UBE2E2: variants seen among roughly 807,000 people sequenced by gnomAD.
UBE2E2 encodes the protein ubiquitin conjugating enzyme E2 E2, also known as ubiquitin-conjugating enzyme E2 E2.
In UBE2E2, 6 loss-of-function variants were observed where a neutral mutation model predicts 24.7. The ratio of observed to expected loss-of-function variants is 0.24; its 90% confidence interval spans 0.13 to 0.48. UBE2E2 has a LOEUF of 0.48. Ranked by LOEUF, UBE2E2 falls within the 20% of genes least tolerant of loss-of-function variation. The pLI is 0.99. For synonymous variants in UBE2E2, 104 were observed against 83.6 expected, an observed-to-expected ratio of 1.24 and a Z score of -1.33; for missense variants, 169 against 245.0, an observed-to-expected ratio of 0.69 and a Z score of 2.07.
intron 3 of UBE2E2, among the ~76,000 whole-genome samples, chr3:23,473,009 C>A (rs181186391): frequency 1.3e-5 from 2 of 152,036 alleles, no homozygotes; most frequent in Admixed American, 6.5e-5. Flanking sequence ...AATCTATTTT[C>A]TTTGTGATAC....
chr3:23,403,417 C>T lies in UBE2E2; in HGVS notation c.228-96191C>T, dbSNP rs541428022. ...CGATACAACACTCTATTGGAAAGTT[C>T]TTTGTTGGTTCTGAATATACATACT... On this transcript the variant is annotated intron_variant, in intron 3 of 5. Coordinates refer to ENST00000396703, the MANE Select transcript of UBE2E2 (RefSeq NM_152653.4). 4.6e-5 allele frequency among the ~76,000 whole-genome samples: 7 copies of T among 152,252 alleles called. No individual in the cohort carries two copies. The South Asian group carries it at 1.4e-3, about 32-fold the overall frequency.
chr3:23,548,562 G>T (rs923767622), intron 5 of UBE2E2, among the ~76,000 whole-genome samples: 1 of 152,030 alleles, frequency 6.6e-6, no homozygotes, highest in Non-Finnish European at 1.5e-5. Flanking sequence ...AGAACTTTGC[G>T]GTGTATTCTT....
At chr3:23,563,599 A>G (rs553448233) in intron 5 of UBE2E2, among the ~76,000 whole-genome samples, 1 of 152,170 alleles carries the variant, frequency 6.6e-6, no homozygotes, top group South Asian at 2.1e-4. Context: ...TAGTGTGCTC[A>G]GCAAGTCATG....
In UBE2E2 at chr3:23,357,494, T is replaced by C. The variant is rs1695990914; in HGVS notation, c.227+140182T>C. ...TGATTCTTTTTCAGTTCTTAATATC[T>C]AGCATAACAGGCAGGTTTAGCATTT... On this transcript the variant is annotated intron_variant, in intron 3 of 5. Coordinates refer to ENST00000396703, the MANE Select transcript of UBE2E2 (RefSeq NM_152653.4). 2.0e-5 allele frequency among the ~76,000 whole-genome samples: 3 copies of C among 152,136 alleles called. No homozygotes were observed. The South Asian group carries it at 6.2e-4, about 32-fold the overall frequency.
At chr3:23,207,246 T>C (rs1403922222) in intron 1 of UBE2E2, among the ~76,000 whole-genome samples, 1 of 152,180 alleles carries the variant, frequency 6.6e-6, no homozygotes, top group East Asian at 1.9e-4. Context: ...AGAATGACAG[T>C]TGAGGAGAGA....
chr3:23,381,510 T>A (rs1012558005), intron 3 of UBE2E2, among the ~76,000 whole-genome samples: 1 of 152,160 alleles, frequency 6.6e-6, no homozygotes, highest in Non-Finnish European at 1.5e-5. Flanking sequence ...TCTAAGGTAA[T>A]GGGTGTGTGT....
chr3:23,398,324 CA>C (rs57071884), intron 3 of UBE2E2, among the ~76,000 whole-genome samples: 3 of 140,762 alleles, frequency 2.1e-5, no homozygotes, highest in Non-Finnish European at 4.6e-5. Flanking sequence ...AAAAAAAAAA[CA>C]AAAAAAAACT....
At chr3:23,421,575 T>C (rs1323730091) in intron 3 of UBE2E2, among the ~76,000 whole-genome samples, 1 of 152,076 alleles carries the variant, frequency 6.6e-6, no homozygotes, top group African/African-American at 2.4e-5. Context: ...CCTAGCTAAT[T>C]TTTTGTATTT....
chr3:23,510,967 G>A (rs1469042206), intron 4 of UBE2E2, among the ~76,000 whole-genome samples: 2 of 152,172 alleles, frequency 1.3e-5, no homozygotes, highest in African/African-American at 4.8e-5. Flanking sequence ...AAAACAAGGA[G>A]AATAATGTAT....
chr3:23,558,473 T>A (rs1249967335), intron 5 of UBE2E2, among the ~76,000 whole-genome samples: 3 of 152,286 alleles, frequency 2.0e-5, no homozygotes, highest in Non-Finnish European at 4.4e-5. Context: ...ATCTGGTAAA[T>A]GAATTCAGAT....
At chr3:23,427,918 G>C (rs1230520239) in intron 3 of UBE2E2, among the ~76,000 whole-genome samples, 1 of 152,142 alleles carries the variant, frequency 6.6e-6, no homozygotes, top group East Asian at 1.9e-4. Context: ...AAAATATGTA[G>C]GACAAAAACT....
Position 23,555,915 on chromosome 3 carries a change from G to C in UBE2E2, c.508+23214G>C, listed in dbSNP as rs141684727. On this transcript the variant is annotated intron_variant, in intron 5 of 5. Transcript: ENST00000396703. The stretch of plus-strand genomic sequence containing the variant: ...AAAGATGTAGGTCAAAGGATATAAA[G>C]TAACAAGTAGAAAGGTCTCGTGTGC... Among the ~76,000 whole-genome samples, 1,302 of 152,178 alleles carry C rather than the reference G, an allele frequency of 8.6e-3. 17 individuals carry two copies. The highest frequency in any genetic ancestry group is 0.029 in the African/African-American group (1,192 of 41,530).
chr3:23,584,168 A>G (rs1696550199), intron 5 of UBE2E2, among the ~76,000 whole-genome samples: 1 of 152,152 alleles, frequency 6.6e-6, no homozygotes, highest in Admixed American at 6.5e-5. Context: ...ATCTGTTGAG[A>G]TGATCACGTG....
Position 23,560,440 on chromosome 3 carries a change from C to T in UBE2E2, c.508+27739C>T, listed in dbSNP as rs1695899729. The stretch of plus-strand genomic sequence containing the variant: ...CATAATATTCCATAGTGTATATGTG[C>T]CACATTTTCTTAATCCAGTCCATCC... On this transcript the variant is annotated intron_variant, in intron 5 of 5. Coordinates refer to ENST00000396703, the MANE Select transcript of UBE2E2 (RefSeq NM_152653.4). Among the ~76,000 whole-genome samples, 3 of 152,084 alleles carry T rather than the reference C, an allele frequency of 2.0e-5. No homozygotes were observed. The South Asian group carries it at 6.2e-4, about 32-fold the overall frequency.
intron 5 of UBE2E2, among the ~76,000 whole-genome samples, chr3:23,559,238 TG>T (rs1695862992): frequency 6.6e-6 from 1 of 152,318 alleles, no homozygotes; most frequent in East Asian, 1.9e-4. Flanking sequence ...TTGGCTTTTT[TG>T]TACCTTTTAT....
At chr3:23,580,350 T>C (rs185464010) in intron 5 of UBE2E2, among the ~76,000 whole-genome samples, 1 of 152,318 alleles carries the variant, frequency 6.6e-6, no homozygotes, top group East Asian at 1.9e-4. Context: ...ACCCCAGCCT[T>C]CAGTAACCTG....
intron 3 of UBE2E2, among the ~76,000 whole-genome samples, chr3:23,438,793 T>G (rs1698236334): frequency 6.6e-6 from 1 of 152,234 alleles, no homozygotes; most frequent in Non-Finnish European, 1.5e-5. Flanking sequence ...AATTAAAATA[T>G]TTGGTTTCAG....
At position 23,208,895 on chromosome 3, in the gene UBE2E2, CT is replaced by C. The variant is rs1696232936; in HGVS notation, c.176+25del. On this transcript the variant is annotated intron_variant, in intron 2 of 5. Transcript: ENST00000396703. Reference sequence around the variant, plus strand: ...TAAAAGGTACTTCAGTTATTATAACCTTTTTATTGTTGGTATCAATTTATCA... The same window carrying C: ...TAAAAGGTACTTCAGTTATTATAACCTTTTATTGTTGGTATCAATTTATCA... 2.5e-6 allele frequency: 4 copies of C among 1,573,490 alleles called. No individual in the cohort carries two copies. The highest frequency in any genetic ancestry group is 3.5e-6 in the Non-Finnish European group (4 of 1,158,850).
intron 3 of UBE2E2, among the ~76,000 whole-genome samples, chr3:23,473,066 C>T (rs1699060970): frequency 6.6e-6 from 1 of 151,926 alleles, no homozygotes; most frequent in Non-Finnish European, 1.5e-5. Context: ...GAGAAAAGGT[C>T]CATATGCTTC....
Sources: allele counts gnomAD v4.1 joint callset (sites outside exome capture counted in the v4.1 genomes callset), GRCh38; gene constraint gnomAD v4.1.1; transcripts MANE v1.5; gene names NCBI Gene and HGNC (gene_info 2026-07-23, HGNC 2026-07-21).